The following GPRC6A variants were observed in gnomAD, a reference collection of about 807,000 sequenced individuals.
GPRC6A encodes G protein-coupled receptor class C group 6 member A, also known as G protein-coupled receptor family C group 6 member A.
A neutral mutation model predicts 47.0 loss-of-function variants in GPRC6A; 54 were observed. The observed-to-expected ratio is 1.15, with a 90% CI of 0.92 to 1.44. The LOEUF (loss-of-function observed/expected upper bound fraction) is 1.44. Ranked by LOEUF, GPRC6A falls within the 40% of genes most tolerant of loss-of-function variation. The probability of loss-of-function intolerance (pLI) is 0.00; values close to 1 mark genes in which losing one functional copy is unlikely to be tolerated. For missense variants in GPRC6A, 1,112 were observed against 1,105.5 expected, an observed-to-expected ratio of 1.01 and a Z score of -0.08; for synonymous variants, 347 against 377.1, an observed-to-expected ratio of 0.92 and a Z score of 0.93.
In GPRC6A at chr6:116,792,369, T is replaced by A. The variant is rs751028477; in HGVS notation, c.2554A>T (p.Met852Leu). Residue 852 changes from methionine to leucine, a missense_variant, in exon 6 of 6, where the codon ATG (methionine) becomes TTG (leucine). By Grantham distance (15) the Met-to-Leu change is conservative (BLOSUM62 2). Coordinates refer to ENST00000310357, the MANE Select transcript of GPRC6A (RefSeq NM_148963.4). ...CTATGGGAAGAATAACTGTAGATCA[T>A]CTTGAGAAAGGCAGACTTTGTGTTA... Reference protein sequence around the residue: ...EINTKSAFLKMIYSYSSHSVS... With the variant: ...EINTKSAFLKLIYSYSSHSVS... The A allele has an allele frequency of 6.2e-7, 1 of 1,613,922 alleles. No individual in the cohort carries two copies. Among genetic ancestry groups the A allele is most frequent in the African/African-American group, 1.3e-5 (1 of 74,916 alleles).
At chr6:116,799,600 G>A (rs1387024015) in intron 4 of GPRC6A, among the ~76,000 whole-genome samples, 1 of 152,182 alleles carries the variant, frequency 6.6e-6, no homozygotes, top group Non-Finnish European at 1.5e-5. Context: ...ATTCAAAAGA[G>A]TATAGGAGGA....
chr6:116,825,931 A>G (rs1275010691), intron 1 of GPRC6A, among the ~76,000 whole-genome samples: 1 of 152,012 alleles, frequency 6.6e-6, no homozygotes, highest in Non-Finnish European at 1.5e-5. Context: ...CAAAGGAGCC[A>G]AGAACCTATT....
At chr6:116,819,869 T>C (rs866831781) in intron 1 of GPRC6A, among the ~76,000 whole-genome samples, 28 of 148,800 alleles carry the variant, frequency 1.9e-4, no homozygotes, top group Admixed American at 7.4e-4. Context: ...AGAGCAGAAC[T>C]GAAGGAAATA....
chr6:116,806,638 T>G lies in GPRC6A; in HGVS notation c.1067A>C (p.Glu356Ala), dbSNP rs1310547818. Residue 356 changes from glutamate to alanine, a missense_variant, in exon 3 of 6, where the codon GAA (glutamate) becomes GCA (alanine). Coordinates refer to ENST00000310357, the MANE Select transcript of GPRC6A (RefSeq NM_148963.4). ...LPSDSHKLLH[E>A]YAMHLSACAY... ...GCAGGCAGATAAATGCATGGCATAT[T>G]CATGTAAGAGTTTGTGACTGTCACT... 1 of 1,613,440 alleles carries G rather than the reference T, an allele frequency of 6.2e-7. No individual in the cohort carries two copies. Among genetic ancestry groups the G allele is most frequent in the African/African-American group, 1.3e-5 (1 of 74,882 alleles).
chr6:116,795,751 A>C lies in GPRC6A; in HGVS notation c.1633T>G (p.Cys545Gly). 1 of 1,611,242 alleles carries C rather than the reference A, an allele frequency of 6.2e-7. No homozygotes were observed. Among genetic ancestry groups the C allele is most frequent in the Non-Finnish European group, 8.5e-7 (1 of 1,177,778 alleles). ...TRSQHICCYE[C>G]QNCPENHYTN... ...TAATGATTTTCAGGACAGTTCTGAC[A>C]TTCATAGCAACAGATGTGTTGACTT... The change falls in exon 5 of 6, where the codon TGT becomes GGT. Residue 545 changes from cysteine (C) to glycine (G), a missense_variant. Coordinates refer to ENST00000310357, the MANE Select transcript of GPRC6A (RefSeq NM_148963.4).
In GPRC6A at chr6:116,828,850, G is replaced by GGAGA. The variant is rs1381469865; in HGVS notation, c.160_163dup (p.Pro55LeufsTer14). On this transcript the variant is annotated frameshift_variant, in exon 1 of 6. Transcript: ENST00000310357. LOFTEE classifies it high-confidence loss of function. ...ACACTCCTGGATTTGTGGTCGTCTG[G>GGAGA]GAGAGTCTTCTGAGGACAACATTTT... 6.2e-7 allele frequency: 1 copy of GGAGA among 1,612,640 alleles called. No individual in the cohort carries two copies. The highest frequency in any genetic ancestry group is 1.3e-5 in the African/African-American group (1 of 74,940).
intron 1 of GPRC6A, among the ~76,000 whole-genome samples, chr6:116,822,156 A>G (rs1359845155): frequency 2.1e-5 from 3 of 139,644 alleles, no homozygotes; most frequent in East Asian, 2.0e-4. Flanking sequence ...CAAAACCACA[A>G]TGAGATACCA....
intron 1 of GPRC6A, among the ~76,000 whole-genome samples, chr6:116,822,002 A>G (rs1771163025): frequency 1.4e-5 from 2 of 144,708 alleles, no homozygotes; most frequent in African/African-American, 2.7e-5. Context: ...ATGAACTCAA[A>G]CAAATTTACA....
At chr6:116,819,595 C>G in intron 1 of GPRC6A, among the ~76,000 whole-genome samples, 1 of 151,932 alleles carries the variant, frequency 6.6e-6, no homozygotes, top group African/African-American at 2.4e-5. Flanking sequence ...GAACAACCTG[C>G]TCCTGAATGA....
rs1442549038 is a variant in GPRC6A, at chr6:116,792,663, T to G, written c.2260A>C (p.Thr754Pro). The G allele has an allele frequency of 1.2e-6, 2 of 1,613,414 alleles. No individual in the cohort carries two copies. Among genetic ancestry groups the G allele is most frequent in the Admixed American group, 3.3e-5 (2 of 59,910 alleles). ...CEEGSILAFG[T>P]MLGYIAILAF... ...AGGATGGCAATGTAGCCCAGCATGG[T>G]GCCAAATGCAAGTATGGATCCCTCC... is the stretch of plus-strand genomic sequence containing the variant. Residue 754 changes from threonine to proline, a missense_variant, in exon 6 of 6, where the codon ACC becomes CCC. Transcript: ENST00000310357.
chr6:116,792,744 C>T lies in GPRC6A; in HGVS notation c.2179G>A (p.Ala727Thr). 1 of 1,613,894 alleles carries T rather than the reference C, an allele frequency of 6.2e-7. No individual in the cohort carries two copies. The highest frequency in any genetic ancestry group is 8.5e-7 in the Non-Finnish European group (1 of 1,179,904). ...VICTLWLIFAAPTVEVNVSLP... is the reference protein window; with the variant it reads ...VICTLWLIFATPTVEVNVSLP... ...GAGACATTCACCTCTACAGTAGGTG[C>T]TGCAAAGATTAGCCAGAGTGTGCAA... Residue 727 changes from alanine to threonine, a missense_variant, in exon 6 of 6, where the codon GCA (alanine) becomes ACA (threonine). Coordinates refer to ENST00000310357, the MANE Select transcript of GPRC6A (RefSeq NM_148963.4).
At chr6:116,814,285 C>T (rs145021179) in intron 1 of GPRC6A, among the ~76,000 whole-genome samples, 3,049 of 152,260 alleles carry the variant, frequency 0.02, 106 homozygotes, top group African/African-American at 0.069. Flanking sequence ...AATCATGCTA[C>T]TATAAAGACA....
At chr6:116,820,885 AG>A (rs1773445844) in intron 1 of GPRC6A, among the ~76,000 whole-genome samples, 1 of 151,924 alleles carries the variant, frequency 6.6e-6, no homozygotes, top group East Asian at 1.9e-4. Flanking sequence ...AAGGAAATAA[AG>A]GGTATTCAAT....
Position 116,822,424 on chromosome 6 carries a change from C to T in GPRC6A, c.194+6396G>A, listed in dbSNP as rs1191623611. 1.4e-4 allele frequency among the ~76,000 whole-genome samples: 19 copies of T among 131,358 alleles called. No individual in the cohort carries two copies. The East Asian group carries it at 2.3e-3, about 16-fold the overall frequency. 86.2% of individuals were successfully genotyped at this position (131,358 alleles called of 152,430 possible). A position where few individuals can be genotyped will look rare whatever the true frequency, so the allele number is the denominator to read the frequency against. ...GACACATGCACACGTATGTTTATTG[C>T]GGCATTATTCACAATAGCAAAGACT... On this transcript the variant is annotated intron_variant, in intron 1 of 5. Transcript: ENST00000310357.
intron 1 of GPRC6A, among the ~76,000 whole-genome samples, chr6:116,826,421 G>A (rs1157696491): frequency 6.6e-6 from 1 of 151,482 alleles, no homozygotes; most frequent in African/African-American, 2.4e-5. Context: ...TAGCCAACTG[G>A]TATATAAAAA....
intron 3 of GPRC6A, among the ~76,000 whole-genome samples, chr6:116,803,908 T>C (rs560591158): frequency 2.0e-5 from 3 of 152,224 alleles, no homozygotes; most frequent in Non-Finnish European, 2.9e-5. Flanking sequence ...CCATCCTTCA[T>C]TGTAATCAGC....
At chr6:116,815,479 T>C (rs1337354220) in intron 1 of GPRC6A, among the ~76,000 whole-genome samples, 1 of 152,146 alleles carries the variant, frequency 6.6e-6, no homozygotes, top group Non-Finnish European at 1.5e-5. Flanking sequence ...TGTGACTTCA[T>C]CTCAAGAAAA....
intron 1 of GPRC6A, among the ~76,000 whole-genome samples, chr6:116,820,953 GA>G (rs1347236324): frequency 1.3e-5 from 2 of 151,762 alleles, no homozygotes; most frequent in Non-Finnish European, 2.9e-5. Flanking sequence ...TGTATATCTA[GA>G]AAACCCCATT....
rs149883049 is a variant in GPRC6A, at chr6:116,800,736, C to T, written c.1396G>A (p.Ala466Thr). 6.2e-7 allele frequency: 1 copy of T among 1,610,994 alleles called. No individual in the cohort carries two copies. Among genetic ancestry groups the T allele is most frequent in the Non-Finnish European group, 8.5e-7 (1 of 1,177,668 alleles). ...TATCCAGTATTTAAATCCCCGTGAG[C>T]ATCAAAATGAAATGAATTCCATCCA... Reference protein sequence around the residue: ...TDGWNSFHFDAHGDLNTGYDV... With the variant: ...TDGWNSFHFDTHGDLNTGYDV... Residue 466 changes from alanine (A) to threonine (T), a missense_variant, in exon 4 of 6, where the codon GCT (alanine) becomes ACT (threonine). Coordinates refer to ENST00000310357, the MANE Select transcript of GPRC6A (RefSeq NM_148963.4).
Sources: allele counts gnomAD v4.1 joint callset (sites outside exome capture counted in the v4.1 genomes callset), GRCh38; gene constraint gnomAD v4.1.1; transcripts MANE v1.5; gene names NCBI Gene and HGNC (gene_info 2026-07-23, HGNC 2026-07-21).